The following PAK6 variants were observed in gnomAD, a reference collection of about 807,000 sequenced individuals.
PAK6 encodes the protein serine/threonine-protein kinase PAK 6.
A neutral mutation model predicts 60.8 loss-of-function variants in PAK6; 33 were observed. That is an observed-to-expected ratio of 0.54 (90% CI 0.41 to 0.73). The LOEUF is 0.73. PAK6 is among the 30% of genes least tolerant of loss of function. The pLI is 0.00. For missense variants in PAK6, 845 were observed against 904.1 expected, an observed-to-expected ratio of 0.93 and a Z score of 0.84; for synonymous variants, 404 against 378.5, an observed-to-expected ratio of 1.07 and a Z score of -0.78.
At chr15:40,266,353 G>A (rs1204991527) in exon 5 of PAK6, 7 of 1,612,566 alleles carry the variant, frequency 4.3e-6, no homozygotes, top group Non-Finnish European at 4.2e-6. Flanking sequence ...TCAGCCACAG[G>A]CAGGCCAGGT....
rs1444767785 is a variant in PAK6, at chr15:40,274,547, C to T, written c.1878+271C>T. On this transcript the variant is annotated intron_variant, in intron 10 of 10. Coordinates refer to ENST00000560346, the Ensembl canonical transcript of PAK6. Reference sequence around the variant, plus strand: ...GGGTTGCTGCTTGGCAGGCACTGGTCGGAAGCCCAGTGGGGCCCATGAGCA... The same window carrying T: ...GGGTTGCTGCTTGGCAGGCACTGGTTGGAAGCCCAGTGGGGCCCATGAGCA... 2.0e-5 allele frequency among the ~76,000 whole-genome samples: 3 copies of T among 152,254 alleles called. No individual in the cohort carries two copies. In the East Asian group the frequency reaches 5.8e-4, roughly 29 times the overall value.
intron 3 of PAK6, among the ~76,000 whole-genome samples, chr15:40,261,120 C>T (rs916505593): frequency 5.3e-5 from 8 of 151,872 alleles, no homozygotes; most frequent in African/African-American, 1.5e-4. Flanking sequence ...TATCTCCTGA[C>T]CTCGTGATTC....
chr15:40,249,562 C>T (rs111514446), intron 2 of PAK6, among the ~76,000 whole-genome samples: 6 of 152,146 alleles, frequency 3.9e-5, no homozygotes, highest in South Asian at 4.1e-4. Context: ...AGGGCTGAGT[C>T]GCCCAGAGGA....
At chr15:40,265,535 C>T (rs1490621771) in intron 4 of PAK6, among the ~76,000 whole-genome samples, 2 of 152,206 alleles carry the variant, frequency 1.3e-5, no homozygotes, top group East Asian at 1.9e-4. Context: ...AGCCCCGCCC[C>T]CTGAGCTCCA....
chr15:40,273,546 C>T lies in PAK6; in HGVS notation c.1618-5C>T, dbSNP rs760280809. On this transcript the variant is annotated splice_region_variant and splice_polypyrimidine_tract_variant and intron_variant, in intron 8 of 10. Coordinates refer to ENST00000560346, the Ensembl canonical transcript of PAK6. Reference sequence around the variant, plus strand: ...ATCCACCACTCACTCCCTTTTCAACCGCAGGTGAAGCTCTCGGACTTCGGA... The same window carrying T: ...ATCCACCACTCACTCCCTTTTCAACTGCAGGTGAAGCTCTCGGACTTCGGA... 22 of 1,613,950 alleles carry T rather than the reference C, an allele frequency of 1.4e-5. No homozygotes were observed. The highest frequency in any genetic ancestry group is 1.6e-4 in the Middle Eastern group (1 of 6,062).
At chr15:40,241,468 CTGG>C (rs2038334406) in intron 2 of PAK6, among the ~76,000 whole-genome samples, 1 of 142,262 alleles carries the variant, frequency 7.0e-6, no homozygotes, top group African/African-American at 2.6e-5. Context: ...GCTCATCTAG[CTGG>C]GGTTGAGGCC....
intron 9 of PAK6, 153 bp downstream of exon 9, chr15:40,273,829 CT>C: frequency 1.1e-6 from 1 of 931,906 alleles, no homozygotes; most frequent in Non-Finnish European, 1.6e-6. Flanking sequence ...TGGGGCTGCT[CT>C]TACCCAGTGA....
At chr15:40,249,880 C>T (rs974065179) in intron 2 of PAK6, among the ~76,000 whole-genome samples, 4 of 152,228 alleles carry the variant, frequency 2.6e-5, no homozygotes, top group Non-Finnish European at 5.9e-5. Flanking sequence ...TGAGATGGCA[C>T]CACTCCAAGA....
intron 5 of PAK6, among the ~76,000 whole-genome samples, chr15:40,270,368 C>T (rs1423441622): frequency 1.3e-5 from 2 of 152,234 alleles, no homozygotes; most frequent in Non-Finnish European, 1.5e-5. Flanking sequence ...TCCTAGGACC[C>T]AGGGACCTTG....
chr15:40,247,601 C>A (rs2038529145), intron 2 of PAK6, among the ~76,000 whole-genome samples: 1 of 152,126 alleles, frequency 6.6e-6, no homozygotes, highest in African/African-American at 2.4e-5. Context: ...AAGCCTAGTA[C>A]AGATGCAGAA....
exon 11 of PAK6, chr15:40,276,720 G>C (rs1168597065): frequency 6.6e-6 from 1 of 151,204 alleles, no homozygotes; most frequent in Non-Finnish European, 1.5e-5. Flanking sequence ...TGGTGAAGGT[G>C]CTCTCACTTT....
intron 3 of PAK6, chr15:40,264,003 C>T (rs1174899599): frequency 2.2e-6 from 1 of 453,244 alleles, no homozygotes. Flanking sequence ...GAGAGCTTTA[C>T]CCCTAAGTTA....
At chr15:40,241,644 G>T (rs908059353) in intron 2 of PAK6, among the ~76,000 whole-genome samples, 1 of 152,206 alleles carries the variant, frequency 6.6e-6, no homozygotes, top group Non-Finnish European at 1.5e-5. Context: ...TTGGATGGAA[G>T]CTCTGTGCAC....
chr15:40,263,489 A>C (rs76340320), intron 3 of PAK6, among the ~76,000 whole-genome samples: 7,970 of 150,550 alleles, frequency 0.053, 839 homozygotes, highest in East Asian at 0.49. Context: ...CCAGTTCCCC[A>C]CTCTCAGATC....
intron 3 of PAK6, among the ~76,000 whole-genome samples, chr15:40,262,569 A>C (rs1237255099): frequency 6.6e-6 from 1 of 152,180 alleles, no homozygotes; most frequent in African/African-American, 2.4e-5. Context: ...GAGGAGGACA[A>C]ATTTTACCAA....
chr15:40,275,302 T>TTTTTTTTG (rs2039426331), intron 10 of PAK6, among the ~76,000 whole-genome samples: 2 of 137,932 alleles, frequency 1.4e-5, no homozygotes, highest in Admixed American at 1.4e-4. Context: ...TTTTTTTTTT[T>TTTTTTTTG]GGAGATGGAG....
At chr15:40,262,298 G>A (rs993049817) in intron 3 of PAK6, among the ~76,000 whole-genome samples, 11 of 152,152 alleles carry the variant, frequency 7.2e-5, no homozygotes, top group East Asian at 1.9e-4. Flanking sequence ...GAAGTCAGAA[G>A]TTCGAGACCA....
intron 2 of PAK6, among the ~76,000 whole-genome samples, chr15:40,241,232 G>C (rs1486055923): frequency 2.0e-5 from 3 of 152,204 alleles, no homozygotes; most frequent in Non-Finnish European, 2.9e-5. Context: ...ATCGGGCCCA[G>C]TGAGCTCGGG....
intron 3 of PAK6, among the ~76,000 whole-genome samples, chr15:40,255,848 A>T (rs1379991564): frequency 6.6e-6 from 1 of 152,112 alleles, no homozygotes; most frequent in Non-Finnish European, 1.5e-5. Context: ...TGCCAGAGGG[A>T]CTGAACTTTG....
Sources: allele counts gnomAD v4.1 joint callset (sites outside exome capture counted in the v4.1 genomes callset), GRCh38; gene constraint gnomAD v4.1.1; transcripts MANE v1.5; gene names NCBI Gene and HGNC (gene_info 2026-07-23, HGNC 2026-07-21).